The following ETS1 variants were observed in gnomAD, a reference collection of about 807,000 sequenced individuals.
ETS1 encodes ETS proto-oncogene 1, transcription factor.
ETS1 carries 15 observed loss-of-function variants against 58.6 expected under a neutral mutation model. That is an observed-to-expected ratio of 0.26 (90% CI 0.17 to 0.39). The LOEUF (loss-of-function observed/expected upper bound fraction) is 0.39. Ranked by LOEUF, ETS1 falls within the 10% of genes least tolerant of loss-of-function variation. The pLI is 1.00. For synonymous variants in ETS1, 214 were observed against 218.2 expected (o/e 0.98, Z 0.17); for missense variants, 417 against 610.5 (o/e 0.68, Z 3.34).
intron 3 of ETS1, among the ~76,000 whole-genome samples, chr11:128,519,842 G>A (rs1384663530): frequency 2.0e-5 from 3 of 151,162 alleles, no homozygotes; most frequent in Admixed American, 6.6e-5. Flanking sequence ...CATAATGTTC[G>A]CATATAAGCA....
Position 128,462,279 on chromosome 11 carries a change from T to C in ETS1, c.*82A>G. The C allele has an allele frequency of 9.1e-7, 1 of 1,103,640 alleles. No individual in the cohort carries two copies. The highest frequency in any genetic ancestry group is 1.3e-6 in the Non-Finnish European group (1 of 751,924). 68.4% of individuals were successfully genotyped at this position (1,103,640 alleles called of 1,614,324 possible). A position where few individuals can be genotyped will look rare whatever the true frequency, so the allele number is the denominator to read the frequency against. The stretch of plus-strand genomic sequence containing the variant: ...GAGTTCTGGAAAATAAAAAATAGAA[T>C]AACAATTCAAAATTCAGAGTCCAAC... On this transcript the variant is annotated 3_prime_UTR_variant, in exon 10 of 10. Coordinates refer to ENST00000392668, the MANE Select transcript of ETS1 (RefSeq NM_001143820.2).
chr11:128,462,349 C>G lies in ETS1; in HGVS notation c.*12G>C. 1.2e-6 allele frequency: 2 copies of G among 1,602,152 alleles called. No individual in the cohort carries two copies. The highest frequency in any genetic ancestry group is 1.7e-6 in the Non-Finnish European group (2 of 1,169,848). On this transcript the variant is annotated 3_prime_UTR_variant, in exon 10 of 10. Transcript: ENST00000392668. The stretch of plus-strand genomic sequence containing the variant: ...AGGTCTCAGCAGGGTTTCCCCAGCC[C>G]CTTCAGTGCCATCACTCGTCGGCAT...
At chr11:128,572,525 G>A (rs1051247875) in intron 2 of ETS1, among the ~76,000 whole-genome samples, 2 of 152,126 alleles carry the variant, frequency 1.3e-5, no homozygotes, top group African/African-American at 4.8e-5. Flanking sequence ...GCTTGGGCAA[G>A]GATCTTCTCA....
intron 2 of ETS1, among the ~76,000 whole-genome samples, chr11:128,566,944 C>T (rs1196869380): frequency 6.6e-6 from 1 of 152,132 alleles, no homozygotes; most frequent in Non-Finnish European, 1.5e-5. Flanking sequence ...GTCAAGAAGA[C>T]AGTGTAAGGT....
intron 3 of ETS1, among the ~76,000 whole-genome samples, chr11:128,552,972 C>A (rs1864255486): frequency 6.6e-6 from 1 of 152,114 alleles, no homozygotes; most frequent in Non-Finnish European, 1.5e-5. Context: ...AGAGAAAGGG[C>A]TGAGGTTGAG....
At chr11:128,554,845 G>C (rs1379556665) in intron 3 of ETS1, among the ~76,000 whole-genome samples, 1 of 152,076 alleles carries the variant, frequency 6.6e-6, no homozygotes, top group Non-Finnish European at 1.5e-5. Context: ...TTGACCTTTT[G>C]CTTATACAAA....
intron 1 of ETS1, among the ~76,000 whole-genome samples, chr11:128,582,240 T>G (rs1448755822): frequency 6.6e-6 from 1 of 152,210 alleles, no homozygotes; most frequent in Non-Finnish European, 1.5e-5. Flanking sequence ...AACGTAGAAC[T>G]GCTTGCTGCG....
At chr11:128,543,303 AG>A (rs1565403555) in intron 3 of ETS1, among the ~76,000 whole-genome samples, 1 of 152,218 alleles carries the variant, frequency 6.6e-6, no homozygotes, top group Non-Finnish European at 1.5e-5. Context: ...GTTCATAGCC[AG>A]GAAGAGCGAA....
chr11:128,476,390 C>T (rs1862323821), intron 8 of ETS1, among the ~76,000 whole-genome samples: 1 of 152,238 alleles, frequency 6.6e-6, no homozygotes, highest in Admixed American at 6.5e-5. Context: ...CCAAGGAGTA[C>T]TCTCATTATC....
intron 3 of ETS1, among the ~76,000 whole-genome samples, chr11:128,534,000 T>G (rs1863937322): frequency 6.6e-6 from 1 of 152,230 alleles, no homozygotes; most frequent in Admixed American, 6.5e-5. Flanking sequence ...ACTTCCAGCT[T>G]CGCTACAGAT....
chr11:128,587,505 C>G lies in ETS1; in HGVS notation c.-32G>C, dbSNP rs192316381. 6.6e-6 allele frequency: 1 copy of G among 152,314 alleles called. No individual in the cohort carries two copies. The highest frequency in any genetic ancestry group is 2.4e-5 in the African/African-American group (1 of 41,442). The allele number at this position is 152,314 out of a possible 1,614,324, so 9.4% of individuals were successfully genotyped here. ...ACACACACCTCACTTACTACTTTGC[C>G]GGAGAGCAGATCCTGAGTGAGCTTC... On this transcript the variant is annotated 5_prime_UTR_variant, in exon 1 of 10. Coordinates refer to ENST00000392668, the MANE Select transcript of ETS1 (RefSeq NM_001143820.2).
chr11:128,562,240 C>A (rs1189893263), intron 2 of ETS1, among the ~76,000 whole-genome samples: 1 of 152,126 alleles, frequency 6.6e-6, no homozygotes, highest in Non-Finnish European at 1.5e-5. Flanking sequence ...GAAACCCCGG[C>A]TCTATTAAAA....
intron 3 of ETS1, among the ~76,000 whole-genome samples, chr11:128,520,296 G>C (rs550077591): frequency 6.6e-6 from 1 of 152,230 alleles, no homozygotes; most frequent in South Asian, 2.1e-4. Flanking sequence ...TGTGTTGCCA[G>C]GGCTCTTTTT....
intron 1 of ETS1, 62 bp downstream of exon 1, chr11:128,587,426 A>G (rs1459347491): frequency 2.6e-5 from 4 of 152,358 alleles, no homozygotes; most frequent in Non-Finnish European, 5.9e-5. Flanking sequence ...TTCCACAGAA[A>G]TTTTTTTAAA....
intron 8 of ETS1, among the ~76,000 whole-genome samples, chr11:128,465,944 C>T (rs1034287830): frequency 2.0e-5 from 3 of 152,200 alleles, no homozygotes; most frequent in African/African-American, 4.8e-5. Flanking sequence ...GCAGCCCATC[C>T]CCAGGTTCTT....
Position 128,500,913 on chromosome 11 carries a change from C to T in ETS1, c.215-10337G>A, listed in dbSNP as rs148119249. Among the ~76,000 whole-genome samples the T allele has an allele frequency of 5.2e-4, 79 of 152,256 alleles. No individual in the cohort carries two copies. In the Middle Eastern group the frequency reaches 0.014, roughly 26 times the overall value. On this transcript the variant is annotated intron_variant, in intron 3 of 9. Coordinates refer to ENST00000392668, the MANE Select transcript of ETS1 (RefSeq NM_001143820.2). ...TCTTCTCACTTAAGACATTTGGTTG[C>T]CCCATCCTTTTTGAGCTACACAATT...
chr11:128,547,780 G>GT (rs988521343), intron 3 of ETS1, among the ~76,000 whole-genome samples: 3 of 152,048 alleles, frequency 2.0e-5, no homozygotes, highest in African/African-American at 7.2e-5. Context: ...TGGGAGAAGC[G>GT]TATCCCTATT....
intron 3 of ETS1, among the ~76,000 whole-genome samples, chr11:128,516,796 C>A (rs528537797): frequency 6.6e-6 from 1 of 152,280 alleles, no homozygotes; most frequent in African/African-American, 2.4e-5. Context: ...CTATCTATGG[C>A]CTCTCTGCAA....
At chr11:128,471,306 C>A (rs538190384) in intron 8 of ETS1, among the ~76,000 whole-genome samples, 7 of 152,364 alleles carry the variant, frequency 4.6e-5, no homozygotes, top group African/African-American at 1.4e-4. Flanking sequence ...TTTGGCCAGT[C>A]TGACTTGGGT....
Sources: allele counts gnomAD v4.1 joint callset (sites outside exome capture counted in the v4.1 genomes callset), GRCh38; gene constraint gnomAD v4.1.1; transcripts MANE v1.5; gene names NCBI Gene and HGNC (gene_info 2026-07-23, HGNC 2026-07-21).